TBC1D22A: variants seen among roughly 807,000 people sequenced by gnomAD.
TBC1D22A encodes putative GTPase activator.
A neutral mutation model predicts 60.2 loss-of-function variants in TBC1D22A; 38 were observed. That is an observed-to-expected ratio of 0.63 (90% CI 0.49 to 0.83). The LOEUF (loss-of-function observed/expected upper bound fraction) is 0.83. TBC1D22A is among the 40% of genes least tolerant of loss of function. The pLI, the probability that TBC1D22A is intolerant of heterozygous loss-of-function variation, is 0.00. For synonymous variants in TBC1D22A, 302 were observed against 281.7 expected, an observed-to-expected ratio of 1.07 and a Z score of -0.72; for missense variants, 628 against 701.0, an observed-to-expected ratio of 0.90 and a Z score of 1.18.
intron 7 of TBC1D22A, among the ~76,000 whole-genome samples, chr22:46,906,933 G>GCT (rs1259317905): frequency 6.6e-6 from 1 of 152,042 alleles, no homozygotes; most frequent in Non-Finnish European, 1.5e-5. Flanking sequence ...GTGCGCGTGT[G>GCT]CTCTCTGTGC....
intron 4 of TBC1D22A, among the ~76,000 whole-genome samples, chr22:46,815,268 C>A (rs766722682): frequency 3.9e-5 from 6 of 152,146 alleles, no homozygotes; most frequent in African/African-American, 1.4e-4. Context: ...AGCTGTGCGG[C>A]GGTCGCTTGT....
chr22:46,989,845 C>T (rs954813099), intron 9 of TBC1D22A, among the ~76,000 whole-genome samples: 6 of 151,894 alleles, frequency 4.0e-5, no homozygotes, highest in South Asian at 2.1e-4. Context: ...CTGTGTTGCC[C>T]GGGCTGGAGT....
At position 47,050,729 on chromosome 22, in the gene TBC1D22A, G is replaced by A. The variant is rs545583071; in HGVS notation, c.1329+13531G>A. ...ATTGCAGGCCATGGCGGGGGCTCGG[G>A]AAGGGTCTTGTGAGGGCAGAACCTT... On this transcript the variant is annotated intron_variant, in intron 11 of 12. Transcript: ENST00000337137. Among the ~76,000 whole-genome samples the A allele has an allele frequency of 2.5e-4, 37 of 149,674 alleles. No homozygotes were observed. The South Asian group carries it at 7.3e-3, about 29-fold the overall frequency.
chr22:47,085,722 A>G (rs950425440), intron 11 of TBC1D22A, among the ~76,000 whole-genome samples: 1 of 152,232 alleles, frequency 6.6e-6, no homozygotes, highest in African/African-American at 2.4e-5. Context: ...TACAGTTGCA[A>G]TAGAGAACTT....
intron 11 of TBC1D22A, among the ~76,000 whole-genome samples, chr22:47,110,836 C>T (rs1285839564): frequency 2.6e-5 from 4 of 152,176 alleles, no homozygotes; most frequent in African/African-American, 4.8e-5. Context: ...CCCCGAGCCT[C>T]GGTGTGGGAG....
At chr22:46,962,947 C>T (rs62232721) in intron 8 of TBC1D22A, among the ~76,000 whole-genome samples, 8,749 of 151,872 alleles carry the variant, frequency 0.058, 374 homozygotes, top group Non-Finnish European at 0.09. Flanking sequence ...GGTGCAGTGG[C>T]TCATGCCTGT....
intron 5 of TBC1D22A, among the ~76,000 whole-genome samples, chr22:46,883,792 C>T (rs1321959840): frequency 6.6e-6 from 1 of 152,258 alleles, no homozygotes; most frequent in Non-Finnish European, 1.5e-5. Context: ...CATCATTGGC[C>T]AGGCTCTGTT....
At chr22:47,067,392 C>T (rs2063811604) in intron 11 of TBC1D22A, among the ~76,000 whole-genome samples, 1 of 152,218 alleles carries the variant, frequency 6.6e-6, no homozygotes, top group South Asian at 2.1e-4. Flanking sequence ...CCTGCCACCT[C>T]TATTCATCCC....
At chr22:46,967,673 T>C (rs2073867138) in intron 8 of TBC1D22A, among the ~76,000 whole-genome samples, 1 of 152,212 alleles carries the variant, frequency 6.6e-6, no homozygotes, top group African/African-American at 2.4e-5. Context: ...CTGTTTACAT[T>C]GGAGGGATTT....
chr22:46,970,531 G>A (rs985275840), intron 8 of TBC1D22A, among the ~76,000 whole-genome samples: 5 of 152,080 alleles, frequency 3.3e-5, no homozygotes, highest in African/African-American at 7.2e-5. Context: ...TGGCTTGCCC[G>A]GCTGTGAGCA....
chr22:46,769,093 CAAAAAAAAAA>C (rs61105868), intron 1 of TBC1D22A, among the ~76,000 whole-genome samples: 1 of 72,654 alleles, frequency 1.4e-5, no homozygotes, highest in Non-Finnish European at 2.5e-5. Flanking sequence ...GACTCTGTCT[CAAAAAAAAAA>C]AAAAAAAAAA....
At chr22:47,068,323 A>G (rs1487123740) in intron 11 of TBC1D22A, among the ~76,000 whole-genome samples, 1 of 152,248 alleles carries the variant, frequency 6.6e-6, no homozygotes, top group Non-Finnish European at 1.5e-5. Context: ...ACTGCTAGCC[A>G]TCAGGAGAGC....
In TBC1D22A at chr22:46,974,307, A is replaced by T; in HGVS notation, c.1033A>T (p.Thr345Ser). The change falls in exon 9 of 13, where the codon ACG becomes TCG. Residue 345 changes from threonine to serine, a missense_variant. Thr to Ser is a moderately conservative substitution (Grantham distance 58). Transcript: ENST00000337137. Reference protein sequence around the residue: ...CEYIEAEEVDTVDVSGVPAEV... With the variant: ...CEYIEAEEVDSVDVSGVPAEV... ...CCGCCCAGAGGCAGAGGAGGTGGACACGGTGGACGTCTCCGGCGTGCCCGC... is the reference window on the plus strand; with the variant it reads ...CCGCCCAGAGGCAGAGGAGGTGGACTCGGTGGACGTCTCCGGCGTGCCCGC... 6.3e-7 allele frequency: 1 copy of T among 1,599,788 alleles called. No individual in the cohort carries two copies. Among genetic ancestry groups the T allele is most frequent in the African/African-American group, 1.3e-5 (1 of 74,784 alleles).
chr22:46,976,900 C>T (rs902626375), intron 9 of TBC1D22A, among the ~76,000 whole-genome samples: 1 of 152,218 alleles, frequency 6.6e-6, no homozygotes, highest in African/African-American at 2.4e-5. Context: ...GGGGCTCTTC[C>T]TCACCAGGAA....
intron 11 of TBC1D22A, among the ~76,000 whole-genome samples, chr22:47,090,224 C>G (rs1232341965): frequency 6.6e-6 from 1 of 152,158 alleles, no homozygotes; most frequent in East Asian, 1.9e-4. Context: ...CCCATTCATG[C>G]TAGGAAAGGC....
intron 4 of TBC1D22A, among the ~76,000 whole-genome samples, chr22:46,816,788 GCCA>G (rs2085620994): frequency 6.6e-6 from 1 of 152,134 alleles, no homozygotes; most frequent in Non-Finnish European, 1.5e-5. Flanking sequence ...TTATTCACAG[GCCA>G]CTTTAACATT....
chr22:47,159,468 C>T (rs2067877191), intron 12 of TBC1D22A, among the ~76,000 whole-genome samples: 1 of 151,804 alleles, frequency 6.6e-6, no homozygotes, highest in South Asian at 2.1e-4. Flanking sequence ...ACCACACCCA[C>T]ATGCCATGTA....
chr22:46,852,959 T>G (rs2087363292), intron 4 of TBC1D22A, among the ~76,000 whole-genome samples: 1 of 152,190 alleles, frequency 6.6e-6, no homozygotes, highest in South Asian at 2.1e-4. Flanking sequence ...GGCGCTCTTG[T>G]GGGACTGGAC....
chr22:47,008,942 T>C (rs531714142), intron 10 of TBC1D22A, among the ~76,000 whole-genome samples: 1 of 152,222 alleles, frequency 6.6e-6, no homozygotes, highest in African/African-American at 2.4e-5. Context: ...GAGATTTTGG[T>C]TTGGGGACTA....
Sources: gnomAD v4.1 joint callset for allele counts (sites outside exome capture counted in the v4.1 genomes callset) on GRCh38, gnomAD v4.1.1 for gene constraint, MANE v1.5 for transcripts, NCBI Gene and HGNC (gene_info 2026-07-23, HGNC 2026-07-21) for gene names.